Variants in MAN1A2 observed in about 807,000 individuals in gnomAD.
MAN1A2 encodes mannosyl-oligosaccharide 1,2-alpha-mannosidase IB.
In MAN1A2, 26 loss-of-function variants were observed where a neutral mutation model predicts 75.7. That is an observed-to-expected ratio of 0.34 (90% CI 0.25 to 0.48). The LOEUF is 0.48. Among genes scored for constraint, MAN1A2 ranks in the 20% least tolerant of loss-of-function variants. MAN1A2 has a pLI of 0.99. For synonymous variants in MAN1A2, 247 were observed against 264.6 expected (o/e 0.93, Z 0.65); for missense variants, 562 against 775.5 (o/e 0.72, Z 3.27).
chr1:117,522,850 G>T lies in MAN1A2; in HGVS notation c.1819G>T (p.Asp607Tyr). 1 of 1,611,414 alleles carries T rather than the reference G, an allele frequency of 6.2e-7. No individual in the cohort carries two copies. The highest frequency in any genetic ancestry group is 1.7e-4 in the Middle Eastern group (1 of 6,038). Residue 607 changes from aspartate to tyrosine, a missense_variant, in exon 13 of 13, where the codon GAT (aspartate) becomes TAT (tyrosine). By Grantham distance (160) the Asp-to-Tyr change is radical. Transcript: ENST00000356554. ...ATATTTGTATCTGCTGTTCTCCGGTGATGACCTTTTACCTTTAGACCACTG... is the reference window on the plus strand; with the variant it reads ...ATATTTGTATCTGCTGTTCTCCGGTTATGACCTTTTACCTTTAGACCACTG... ...LKYLYLLFSGDDLLPLDHWVF... is the reference protein window; with the variant it reads ...LKYLYLLFSGYDLLPLDHWVF...
chr1:117,373,015 C>T (rs1292061242), intron 1 of MAN1A2, among the ~76,000 whole-genome samples: 2 of 152,126 alleles, frequency 1.3e-5, no homozygotes, highest in African/African-American at 4.8e-5. Context: ...TTGTGCTAGA[C>T]GTAATCACTC....
chr1:117,428,361 T>C (rs1311118365), intron 5 of MAN1A2, among the ~76,000 whole-genome samples: 1 of 152,092 alleles, frequency 6.6e-6, no homozygotes, highest in African/African-American at 2.4e-5. Context: ...GAGATCTTCC[T>C]GCCTTGGCCT....
chr1:117,406,747 T>A (rs1489493009), intron 3 of MAN1A2, among the ~76,000 whole-genome samples: 1 of 152,118 alleles, frequency 6.6e-6, no homozygotes, highest in Non-Finnish European at 1.5e-5. Context: ...AAGTTCTTAC[T>A]GCTTTGTGGA....
chr1:117,440,454 T>C (rs1648993019), intron 5 of MAN1A2, among the ~76,000 whole-genome samples: 1 of 152,162 alleles, frequency 6.6e-6, no homozygotes, highest in Non-Finnish European at 1.5e-5. Flanking sequence ...TGAAAACTAA[T>C]TTGCAGTTGC....
In MAN1A2 at chr1:117,444,394, C is replaced by CT. The variant is rs770908058; in HGVS notation, c.950+2084dup. On this transcript the variant is annotated intron_variant, in intron 6 of 12. Transcript: ENST00000356554. ...CAATTGCTGGATTAAAAAGCATCTG[C>CT]TTTTTTTTTTTTTTTAATCTGTGGG... 5.7e-3 allele frequency among the ~76,000 whole-genome samples: 769 copies of CT among 135,096 alleles called. 6 individuals are homozygous for CT. The highest frequency in any genetic ancestry group is 0.015 in the African/African-American group (571 of 36,976). The allele number at this position is 135,096 out of a possible 152,430, so 88.6% of individuals were successfully genotyped here.
intron 1 of MAN1A2, among the ~76,000 whole-genome samples, chr1:117,397,483 C>T (rs376114465): frequency 4.8e-4 from 73 of 151,982 alleles, no homozygotes; most frequent in African/African-American, 1.4e-3. Flanking sequence ...GATGCTAACA[C>T]GAAGTTAATA....
chr1:117,406,002 G>A (rs762483310), intron 3 of MAN1A2, among the ~76,000 whole-genome samples: 5 of 151,938 alleles, frequency 3.3e-5, no homozygotes, highest in African/African-American at 9.7e-5. Flanking sequence ...AAGAGGGGAG[G>A]GATAGGAAAT....
intron 7 of MAN1A2, among the ~76,000 whole-genome samples, chr1:117,466,114 T>G (rs545415780): frequency 7.8e-4 from 119 of 152,248 alleles, no homozygotes; most frequent in African/African-American, 2.6e-3. Context: ...TTATTTTTAT[T>G]ATTGCTTGAT....
At position 117,528,808 on chromosome 1, in the gene MAN1A2, A is replaced by G. The variant is rs969256561; in HGVS notation, c.*5851A>G. On this transcript the variant is annotated 3_prime_UTR_variant, in exon 13 of 13. Transcript: ENST00000356554. Reference sequence around the variant, plus strand: ...TTCCAGTCATGTCCTCCAGTATGTGATTTTTATAAATTAAAGGTAATATTG... The same window carrying G: ...TTCCAGTCATGTCCTCCAGTATGTGGTTTTTATAAATTAAAGGTAATATTG... 10 of 152,168 alleles carry G rather than the reference A, an allele frequency of 6.6e-5. No individual in the cohort carries two copies. Among genetic ancestry groups the G allele is most frequent in the Non-Finnish European group, 1.0e-4 (7 of 67,984 alleles). 9.4% of individuals were successfully genotyped at this position (152,168 alleles called of 1,614,324 possible).
intron 1 of MAN1A2, among the ~76,000 whole-genome samples, 174 bp downstream of exon 1, chr1:117,368,659 C>T (rs1195573976): frequency 6.6e-6 from 1 of 151,990 alleles, no homozygotes; most frequent in Admixed American, 6.6e-5. Flanking sequence ...GACTCTACCT[C>T]CAGTCTATGG....
chr1:117,383,679 C>G (rs1314246844), intron 1 of MAN1A2, among the ~76,000 whole-genome samples: 1 of 151,968 alleles, frequency 6.6e-6, no homozygotes, highest in African/African-American at 2.4e-5. Flanking sequence ...AGTTTGTTTT[C>G]AAGAATTTGT....
rs1491320062 is a variant in MAN1A2, at chr1:117,525,719, TTA to T, written c.*2764_*2765del. The T allele has an allele frequency of 1.3e-5, 2 of 151,800 alleles. No homozygotes were observed. Among genetic ancestry groups the T allele is most frequent in the Non-Finnish European group, 2.9e-5 (2 of 67,836 alleles). 9.4% of individuals were successfully genotyped at this position (151,800 alleles called of 1,614,324 possible). ...TCTCTTCATTTTAGAATCACACTTT[TTA>T]TGTTAAACCAGATTATTATTATTAT... On this transcript the variant is annotated 3_prime_UTR_variant, in exon 13 of 13. Transcript: ENST00000356554.
In MAN1A2 at chr1:117,488,114, A is replaced by C. The variant is rs114453172; in HGVS notation, c.1169-5033A>C. The stretch of plus-strand genomic sequence containing the variant: ...GACTTCTGTAATACCCAGCCACTTA[A>C]TGTTTGACATTCAGGAAGCTTTCAT... On this transcript the variant is annotated intron_variant, in intron 8 of 12. Transcript: ENST00000356554. Among the ~76,000 whole-genome samples, 1,121 of 152,222 alleles carry C rather than the reference A, an allele frequency of 7.4e-3. 18 individuals carry two copies. The highest frequency in any genetic ancestry group is 0.026 in the African/African-American group (1,073 of 41,554).
chr1:117,521,293 A>C lies in MAN1A2; in HGVS notation c.1794-1532A>C, dbSNP rs138006193. 7.3e-3 allele frequency among the ~76,000 whole-genome samples: 1,118 copies of C among 152,196 alleles called. 18 individuals carry two copies. The highest frequency in any genetic ancestry group is 0.026 in the African/African-American group (1,070 of 41,528). On this transcript the variant is annotated intron_variant, in intron 12 of 12. Coordinates refer to ENST00000356554, the MANE Select transcript of MAN1A2 (RefSeq NM_006699.5). ...GAACCCAAAAGCAAATGCAACAAAA[A>C]CAAAGATAAATAGCTGGGACTTAAT...
At chr1:117,511,589 A>G (rs1041498417) in intron 12 of MAN1A2, among the ~76,000 whole-genome samples, 37 of 152,204 alleles carry the variant, frequency 2.4e-4, no homozygotes, top group African/African-American at 8.4e-4. Flanking sequence ...TGAGGCACTC[A>G]GTAAATATGT....
intron 8 of MAN1A2, among the ~76,000 whole-genome samples, chr1:117,469,913 C>T (rs1650094752): frequency 6.6e-6 from 1 of 152,066 alleles, no homozygotes; most frequent in African/African-American, 2.4e-5. Flanking sequence ...CCTAGCAGTT[C>T]CTTAAAAAGT....
intron 5 of MAN1A2, among the ~76,000 whole-genome samples, chr1:117,429,692 CT>C (rs1648528675): frequency 9.4e-6 from 1 of 106,044 alleles, no homozygotes; most frequent in Non-Finnish European, 2.0e-5. Flanking sequence ...GACGGGGTGG[CT>C]GGCCGGGCAG....
chr1:117,442,358 A>C (rs751051957), intron 6 of MAN1A2, 33 bp downstream of exon 6: 1 of 1,416,052 alleles, frequency 7.1e-7, no homozygotes, highest in Non-Finnish European at 1.0e-6. Flanking sequence ...ATTCTGGAAG[A>C]ATTATTTTGA....
chr1:117,476,651 A>C (rs1337993380), intron 8 of MAN1A2, among the ~76,000 whole-genome samples: 7 of 151,978 alleles, frequency 4.6e-5, no homozygotes, highest in African/African-American at 1.4e-4. Flanking sequence ...CAGGTTTGTC[A>C]AAGATCAGAT....
Sources: gnomAD v4.1 joint callset for allele counts (sites outside exome capture counted in the v4.1 genomes callset) on GRCh38, gnomAD v4.1.1 for gene constraint, MANE v1.5 for transcripts, NCBI Gene and HGNC (gene_info 2026-07-23, HGNC 2026-07-21) for gene names.